Variants in SPTAN1 observed in about 807,000 individuals in gnomAD.
The protein encoded by SPTAN1 is spectrin alpha, non-erythrocytic 1, also known as spectrin alpha chain, non-erythrocytic 1.
SPTAN1 carries 61 observed loss-of-function variants against 331.3 expected under a neutral mutation model. That is an observed-to-expected ratio of 0.18 (90% CI 0.15 to 0.23). The LOEUF (loss-of-function observed/expected upper bound fraction) is 0.23, where lower values mean the gene tolerates loss of function less well. SPTAN1 is among the 10% of genes least tolerant of loss of function. SPTAN1 has a pLI of 1.00. For synonymous variants in SPTAN1, 1,153 were observed against 1,173.9 expected (o/e 0.98, Z 0.36); for missense variants, 2,043 against 3,147.9 (o/e 0.65, Z 8.40).
Position 128,576,719 on chromosome 9 carries a change from A to G in SPTAN1, c.652-104A>G, listed in dbSNP as rs2275258. ...ACCATTATTTCTTGTGATTCTCTTC[A>G]GAGTGGTGATTTGCTGAGATGCTTC... On this transcript the variant is annotated intron_variant, in intron 5 of 56. Coordinates refer to ENST00000372739, the MANE Select transcript of SPTAN1 (RefSeq NM_001130438.3). The G allele has an allele frequency of 3.3e-3, 4,720 of 1,433,010 alleles. 137 individuals carry two copies. The East Asian group carries it at 0.054, about 16-fold the overall frequency. 88.8% of individuals were successfully genotyped at this position (1,433,010 alleles called of 1,614,324 possible).
At chr9:128,558,533 A>G (rs758583178) in intron 1 of SPTAN1, among the ~76,000 whole-genome samples, 7 of 152,190 alleles carry the variant, frequency 4.6e-5, no homozygotes, top group Non-Finnish European at 7.3e-5. Context: ...ATTCCTAGGA[A>G]GTCGTCTCTG....
At chr9:128,604,285 G>GC (rs1564271319) in intron 28 of SPTAN1, 41 bp from the exon 29 acceptor site, 1 of 1,594,692 alleles carries the variant, frequency 6.3e-7, no homozygotes, top group South Asian at 1.1e-5. Flanking sequence ...GGCATGACAG[G>GC]AGAGGGAGTG....
rs551368964 is a variant in SPTAN1 at position 128,584,210 on chromosome 9, T to A, written c.2194-72T>A. On this transcript the variant is annotated intron_variant, in intron 16 of 56. Coordinates refer to ENST00000372739, the MANE Select transcript of SPTAN1 (RefSeq NM_001130438.3). The stretch of plus-strand genomic sequence containing the variant: ...TCCTCTCAGGAATGGAAAAAAGACC[T>A]TATCAATTTTTCTCTGTATACGATA... 2.5e-6 allele frequency: 4 copies of A among 1,608,934 alleles called. No individual in the cohort carries two copies. In the African/African-American group the frequency reaches 4.0e-5, roughly 16 times the overall value.
chr9:128,579,795 T>C (rs1851722027), intron 10 of SPTAN1, 57 bp downstream of exon 10: 1 of 1,342,762 alleles, frequency 7.4e-7, no homozygotes. Flanking sequence ...ACTAAGTCTC[T>C]GAAAGCTATT....
chr9:128,581,881 G>A lies in SPTAN1; in HGVS notation c.1561G>A (p.Glu521Lys). The change falls in exon 12 of 57, where the codon GAA becomes AAA. Residue 521 changes from glutamate (E) to lysine (K), a missense_variant. Glu to Lys is a moderately conservative substitution (Grantham distance 56). Around this residue, in one of 12 missense-constraint regions of SPTAN1, gnomAD observed 1,038 missense variants for 1,531.5 expected, o/e 0.68. Transcript: ENST00000372739. ...TGAGAAATCCCTTAGTGCCCAGGAG[G>A]AAAAGATTACAGTAAGACCCCTTCT... is the stretch of plus-strand genomic sequence containing the variant. Reference protein sequence around the residue: ...DFEKSLSAQEEKITALDEFAT... With the variant: ...DFEKSLSAQEKKITALDEFAT... The A allele has an allele frequency of 6.2e-7, 1 of 1,612,280 alleles. No homozygotes were observed. Among genetic ancestry groups the A allele is most frequent in the Non-Finnish European group, 8.5e-7 (1 of 1,178,436 alleles).
chr9:128,608,579 A>C (rs1856199164), intron 34 of SPTAN1, among the ~76,000 whole-genome samples: 1 of 152,212 alleles, frequency 6.6e-6, no homozygotes, highest in African/African-American at 2.4e-5. Flanking sequence ...CTTTGCTGTA[A>C]ATCTGACAGC....
intron 49 of SPTAN1, 73 bp downstream of exon 49, chr9:128,626,760 C>CT: frequency 2.9e-6 from 4 of 1,392,936 alleles, no homozygotes; most frequent in Non-Finnish European, 3.8e-6. Context: ...AGAGCCCACA[C>CT]TTAACTGAGT....
Position 128,618,944 on chromosome 9 carries a change from A to C in SPTAN1, c.5674A>C (p.Asn1892His). Reference protein sequence around the residue: ...ANVEEEEAWINEKMTLVASED... With the variant: ...ANVEEEEAWIHEKMTLVASED... ...TGTGGAAGAGGAAGAAGCCTGGATC[A>C]ATGAGAAAATGACCCTGGTGGCCAG... Residue 1892 changes from asparagine to histidine, a missense_variant, in exon 44 of 57, where the codon AAT (asparagine) becomes CAT (histidine). Physicochemically the swap from Asn to His is moderately conservative, Grantham distance 68. Around this residue, in one of 12 missense-constraint regions of SPTAN1, gnomAD observed 323 missense variants for 581.1 expected, o/e 0.56. Coordinates refer to ENST00000372739, the MANE Select transcript of SPTAN1 (RefSeq NM_001130438.3). 1 of 1,614,160 alleles carries C rather than the reference A, an allele frequency of 6.2e-7. No individual in the cohort carries two copies. The highest frequency in any genetic ancestry group is 8.5e-7 in the Non-Finnish European group (1 of 1,180,008).
intron 3 of SPTAN1, 99 bp from the exon 4 acceptor site, chr9:128,574,576 G>C (rs998553177): frequency 2.2e-6 from 3 of 1,359,178 alleles, no homozygotes; most frequent in Non-Finnish European, 3.1e-6. Context: ...TTTTTATTCA[G>C]CGCTCCATAA....
At chr9:128,565,764 A>C (rs1999831) in intron 1 of SPTAN1, among the ~76,000 whole-genome samples, 1 of 152,228 alleles carries the variant, frequency 6.6e-6, no homozygotes, top group South Asian at 2.1e-4. Context: ...GGGTAACACA[A>C]TTTTATACCT....
At chr9:128,559,880 G>A (rs1393438527) in intron 1 of SPTAN1, among the ~76,000 whole-genome samples, 10 of 151,182 alleles carry the variant, frequency 6.6e-5, no homozygotes, top group South Asian at 2.1e-4. Context: ...GACTACAGGC[G>A]TGCGCCACTA....
Position 128,576,803 on chromosome 9 carries a change from C to A in SPTAN1, c.652-20C>A. On this transcript the variant is annotated intron_variant, in intron 5 of 56. Transcript: ENST00000372739. ...GCCAGAAGTTGTGTACAAATCCAGT[C>A]TCTTCTCTTCCTTGTTTAGGAGCAG... The A allele has an allele frequency of 1.2e-6, 2 of 1,612,964 alleles. No individual in the cohort carries two copies. The highest frequency in any genetic ancestry group is 2.2e-5 in the South Asian group (2 of 90,944).
chr9:128,633,187 G>T, intron 56 of SPTAN1, 22 bp from the exon 57 acceptor site: 1 of 1,613,874 alleles, frequency 6.2e-7, no homozygotes, highest in Non-Finnish European at 8.5e-7. Context: ...TCAGGCACCA[G>T]GTGCCATCTC....
chr9:128,598,025 C>T (rs1414417685), intron 24 of SPTAN1, among the ~76,000 whole-genome samples: 5 of 150,046 alleles, frequency 3.3e-5, no homozygotes, highest in African/African-American at 7.4e-5. Context: ...CTCAGCTCAC[C>T]GCAACCTCTG....
chr9:128,590,010 C>T (rs1853264164), intron 21 of SPTAN1, among the ~76,000 whole-genome samples: 1 of 152,162 alleles, frequency 6.6e-6, no homozygotes, highest in Non-Finnish European at 1.5e-5. Flanking sequence ...CCTGGTCCAC[C>T]AGCCTTTCTT....
At chr9:128,568,731 G>A in intron 2 of SPTAN1, 41 bp from the exon 3 acceptor site, 4 of 1,612,798 alleles carry the variant, frequency 2.5e-6, no homozygotes, top group Middle Eastern at 1.8e-4. Context: ...TGCTGATGCT[G>A]TGTGGTTGCG....
chr9:128,630,827 C>G (rs543419438), intron 52 of SPTAN1, among the ~76,000 whole-genome samples: 3 of 152,326 alleles, frequency 2.0e-5, no homozygotes, highest in African/African-American at 7.2e-5. Flanking sequence ...GCCTCAACCT[C>G]CCAAGTAGCT....
In SPTAN1 at chr9:128,588,929, A is replaced by C; in HGVS notation, c.2992A>C (p.Asn998His). ...MKKGDILTLL[N>H]STNKDWWKVE... ...GAAGGGAGATATCCTTACCTTACTC[A>C]ACAGCACCAACAAGGCAAGGCACAG... The change falls in exon 21 of 57, where the codon AAC (asparagine) becomes CAC (histidine). Residue 998 changes from asparagine to histidine, a missense_variant. Coordinates refer to ENST00000372739, the MANE Select transcript of SPTAN1 (RefSeq NM_001130438.3). 6.2e-7 allele frequency: 1 copy of C among 1,614,002 alleles called. No homozygotes were observed. Among genetic ancestry groups the C allele is most frequent in the Non-Finnish European group, 8.5e-7 (1 of 1,179,984 alleles).
chr9:128,562,970 AAATATATATATACATGTATGTG>A (rs1471302187), intron 1 of SPTAN1, among the ~76,000 whole-genome samples: 2,244 of 75,382 alleles, frequency 0.03, 56 homozygotes, highest in African/African-American at 0.14. Flanking sequence ...GTCTAAAAAA[AAATATATATATACATGTATGTG>A]TATATATATA....
Sources: gnomAD v4.1 joint callset for allele counts (sites outside exome capture counted in the v4.1 genomes callset) on GRCh38, gnomAD v4.1.1 for gene constraint, gnomAD v4.1.1 regional missense constraint, MANE v1.5 for transcripts, NCBI Gene and HGNC (gene_info 2026-07-23, HGNC 2026-07-21) for gene names.